Variants in SMPD1 observed in about 807,000 individuals in gnomAD.
SMPD1 encodes sphingomyelin phosphodiesterase 1.
In SMPD1, 47 loss-of-function variants were observed where a neutral mutation model predicts 49.7. That is an observed-to-expected ratio of 0.95 (90% confidence interval 0.75 to 1.21). The LOEUF (loss-of-function observed/expected upper bound fraction) is 1.21. SMPD1 is among the 50% of genes most tolerant of loss of function. The pLI is 0.00. For synonymous variants in SMPD1, 336 were observed against 339.6 expected, an observed-to-expected ratio of 0.99 and a Z score of 0.12; for missense variants, 811 against 822.2, an observed-to-expected ratio of 0.99 and a Z score of 0.17.
rs1848102899 is a variant in SMPD1 at position 6,394,571 on chromosome 11, G to A, written c.1860G>A (p.Glu620=). Residue 620 remains glutamate, a synonymous_variant, in exon 6 of 6, where the codon GAG becomes GAA. Transcript: ENST00000342245. ...TGATGCCAGATGGGAGCCTCCCAGA[G>A]GCCCAGAGCCTGTGGCCAAGGCCAC... ...RHLMPDGSLP[E]AQSLWPRPLF... 2.5e-6 allele frequency: 4 copies of A among 1,605,756 alleles called. No individual in the cohort carries two copies. In the East Asian group the frequency reaches 8.9e-5, roughly 36 times the overall value.
rs120074123 is a variant in SMPD1, at chr11:6,393,278, A to G, written c.1154A>G (p.Asn385Ser). The G allele has an allele frequency of 6.2e-7, 1 of 1,613,864 alleles. No individual in the cohort carries two copies. The highest frequency in any genetic ancestry group is 8.5e-7 in the Non-Finnish European group (1 of 1,179,850). The change falls in exon 3 of 6, where the codon AAT becomes AGT. Residue 385 changes from asparagine (N) to serine (S), a missense_variant. Asn to Ser is a conservative substitution (Grantham distance 46). Transcript: ENST00000342245. ...CTCCGCCTCATCTCTCTCAATATGA[A>G]TTTTTGTTCCCGTGAGAACTTCTGG... is the stretch of plus-strand genomic sequence containing the variant. The part of the protein sequence containing the change: ...PGLRLISLNM[N>S]FCSRENFWLL...
Position 6,390,705 on chromosome 11 carries a change from T to TGCTGGC in SMPD1, c.138_143dup (p.Ala48_Leu49dup), listed in dbSNP as rs3838786. ...CCCGGACTCCTTTGGATGGGCCTGG[T>TGCTGGC]GCTGGCGCTGGCGCTGGCGCTGGCG... On this transcript the variant is annotated inframe_insertion, in exon 1 of 6. Coordinates refer to ENST00000342245, the MANE Select transcript of SMPD1 (RefSeq NM_000543.5). 447 of 1,595,092 alleles carry TGCTGGC rather than the reference T, an allele frequency of 2.8e-4. 4 individuals carry two copies. The African/African-American group carries it at 4.4e-3, about 16-fold the overall frequency.
chr11:6,392,329 CTTTTTTT>C, intron 2 of SMPD1, 173 bp downstream of exon 2: 8 of 403,770 alleles, frequency 2.0e-5, no homozygotes, highest in African/African-American at 3.0e-5. Context: ...CCGCACCAGG[CTTTTTTT>C]TTTTTTTTTT....
rs768566892 is a variant in SMPD1, at chr11:6,390,840, G to C, written c.242G>C (p.Arg81Pro). 2.5e-6 allele frequency: 4 copies of C among 1,614,130 alleles called. No individual in the cohort carries two copies. The South Asian group carries it at 4.4e-5, about 18-fold the overall frequency. Residue 81 changes from arginine to proline, a missense_variant, in exon 1 of 6, where the codon CGA becomes CCA. By Grantham distance (103) the Arg-to-Pro change is moderately radical. Coordinates refer to ENST00000342245, the MANE Select transcript of SMPD1 (RefSeq NM_000543.5). ...TTACATCGCATAGTGCCCCGGCTCC[G>C]AGATGTCTTTGGGTGGGGGAACCTC... ...ARLHRIVPRLRDVFGWGNLTC... is the reference protein window; with the variant it reads ...ARLHRIVPRLPDVFGWGNLTC...
intron 1 of SMPD1, 66 bp downstream of exon 1, chr11:6,390,982 ATGCTGG>A: frequency 3.2e-6 from 5 of 1,584,008 alleles, no homozygotes; most frequent in Non-Finnish European, 4.3e-6. Flanking sequence ...GCTGGGGCTG[ATGCTGG>A]TGCGCTGGGC....
At chr11:6,390,947 G>A in intron 1 of SMPD1, 31 bp downstream of exon 1, 1 of 1,612,256 alleles carries the variant, frequency 6.2e-7, no homozygotes. Context: ...AGTGGAGGAG[G>A]CCGAAAGGAG....
At position 6,393,934 on chromosome 11, in the gene SMPD1, C is replaced by A. The variant is rs1012810389; in HGVS notation, c.1379C>A (p.Thr460Asn). The change falls in exon 5 of 6, where the codon ACT becomes AAT. Residue 460 changes from threonine to asparagine, a missense_variant. Coordinates refer to ENST00000342245, the MANE Select transcript of SMPD1 (RefSeq NM_000543.5). ...NTLAAQFFGH[T>N]HVDEFEVFYD... ...CTGGCTGCTCAGTTCTTTGGCCACA[C>A]TCATGTGGATGAATTTGAGGTCTTC... The A allele has an allele frequency of 5.6e-6, 9 of 1,614,214 alleles. No individual in the cohort carries two copies. In the Admixed American group the frequency reaches 1.0e-4, roughly 18 times the overall value.
At chr11:6,392,342 T>TC (rs1847965211) in intron 2 of SMPD1, 186 bp downstream of exon 2, 1 of 642,252 alleles carries the variant, frequency 1.6e-6, no homozygotes, top group African/African-American at 1.9e-5. Context: ...TTTTTTTTTT[T>TC]TTTTTTTTAG....
chr11:6,392,948 C>T (rs1848001041), intron 2 of SMPD1, among the ~76,000 whole-genome samples: 1 of 152,052 alleles, frequency 6.6e-6, no homozygotes, highest in South Asian at 2.1e-4. Flanking sequence ...CCCACCTTAT[C>T]CATCCCATGT....
rs779106196 is a variant in SMPD1 at position 6,393,880 on chromosome 11, AG to A, written c.1341-15del. 1.5e-5 allele frequency: 25 copies of A among 1,613,952 alleles called. No homozygotes were observed. Among genetic ancestry groups the A allele is most frequent in the South Asian group, 8.8e-5 (8 of 91,080 alleles). ...CCCCTCCCTAGAATCTTCTGAATGT[AG>A]TACCTTCTGGCCAGGTATGAGAACA... is the stretch of plus-strand genomic sequence containing the variant. On this transcript the variant is annotated splice_polypyrimidine_tract_variant and intron_variant, in intron 4 of 5. Transcript: ENST00000342245.
In SMPD1 at chr11:6,394,901, G is replaced by C. The variant is rs12278115; in HGVS notation, c.*294G>C. 3.8e-3 allele frequency: 1,873 copies of C among 492,280 alleles called. 27 individuals carry two copies. Among genetic ancestry groups the C allele is most frequent in the African/African-American group, 0.032 (1,680 of 51,752 alleles). 30.5% of individuals were successfully genotyped at this position (492,280 alleles called of 1,614,324 possible). On this transcript the variant is annotated 3_prime_UTR_variant, in exon 6 of 6. Coordinates refer to ENST00000342245, the MANE Select transcript of SMPD1 (RefSeq NM_000543.5). ...CTGGGCAGACAAGACAGGAGCTGTC[G>C]CCCCAGGCCTGTGCTGCCCAGCCAG...
rs886048447 is a variant in SMPD1 at position 6,394,319 on chromosome 11, G to A, written c.1608G>A (p.Gln536=). The A allele has an allele frequency of 1.2e-6, 2 of 1,614,226 alleles. No homozygotes were observed. The highest frequency in any genetic ancestry group is 1.7e-6 in the Non-Finnish European group (2 of 1,180,034). ...TACCGGGAGCCATACCGCACTGGCA[G>A]CTTCTCTACAGGGCTCGAGAAACCT... ...ANIPGAIPHW[Q]LLYRARETYG... is the part of the protein sequence containing the mutation. The change falls in exon 6 of 6, where the codon CAG becomes CAA. Residue 536 remains glutamine, a synonymous_variant. Transcript: ENST00000342245.
Position 6,390,492 on chromosome 11 carries a change from A to G in SMPD1, c.-107A>G. On this transcript the variant is annotated 5_prime_UTR_variant, in exon 1 of 6. Coordinates refer to ENST00000342245, the MANE Select transcript of SMPD1 (RefSeq NM_000543.5). ...GCGGAGCAGTCAGCCGACTACAGAG[A>G]AGGGTAATCGGGTGTCCCCGGCGCC... The G allele has an allele frequency of 5.2e-6, 8 of 1,535,968 alleles. No homozygotes were observed. In the South Asian group the frequency reaches 8.4e-5, roughly 16 times the overall value.
chr11:6,390,560 A>G lies in SMPD1; in HGVS notation c.-39A>G, dbSNP rs767402489. ...CTGGCTAGGGTCCAGGCCGGGGGGG[A>G]CGGGACAGACGAACCAGCCCCGTGT... On this transcript the variant is annotated 5_prime_UTR_variant, in exon 1 of 6. Coordinates refer to ENST00000342245, the MANE Select transcript of SMPD1 (RefSeq NM_000543.5). 3 of 1,593,398 alleles carry G rather than the reference A, an allele frequency of 1.9e-6. No individual in the cohort carries two copies. The highest frequency in any genetic ancestry group is 8.5e-7 in the Non-Finnish European group (1 of 1,171,996).
intron 5 of SMPD1, 37 bp downstream of exon 5, chr11:6,394,078 G>A: frequency 6.2e-7 from 1 of 1,613,996 alleles, no homozygotes; most frequent in Non-Finnish European, 8.5e-7. Context: ...TTATCCTGGA[G>A]TTGGTGGGAT....
At chr11:6,391,040 A>G in intron 1 of SMPD1, 124 bp downstream of exon 1, 4 of 1,279,280 alleles carry the variant, frequency 3.1e-6, no homozygotes, top group Non-Finnish European at 4.4e-6. Flanking sequence ...TCTACAATCC[A>G]TCACTGAGTT....
intron 1 of SMPD1, 37 bp from the exon 2 acceptor site, chr11:6,391,347 G>T (rs879144765): frequency 6.2e-7 from 1 of 1,609,202 alleles, no homozygotes; most frequent in African/African-American, 1.3e-5. Flanking sequence ...CCTCTGCTCT[G>T]CCTCTGATTT....
intron 1 of SMPD1, 143 bp downstream of exon 1, chr11:6,391,059 T>A: frequency 1.8e-6 from 2 of 1,107,874 alleles, no homozygotes; most frequent in African/African-American, 1.6e-5. Context: ...TTTGCTCCCC[T>A]TTGGGGACAC....
At chr11:6,393,518 T>C (rs1333292685) in intron 3 of SMPD1, 99 bp from the exon 4 acceptor site, 8 of 1,378,710 alleles carry the variant, frequency 5.8e-6, no homozygotes, top group African/African-American at 5.7e-5. Context: ...ATTCAGCTCA[T>C]GGTCACTGTT....
Sources: allele counts gnomAD v4.1 joint callset (sites outside exome capture counted in the v4.1 genomes callset), GRCh38; gene constraint gnomAD v4.1.1; transcripts MANE v1.5; gene names NCBI Gene and HGNC (gene_info 2026-07-23, HGNC 2026-07-21).